ARSJ: variants seen among roughly 807,000 people sequenced by gnomAD.
The protein encoded by ARSJ is arylsulfatase J.
A neutral mutation model predicts 35.9 loss-of-function variants in ARSJ; 26 were observed. The ratio of observed to expected loss-of-function variants is 0.72; its 90% CI spans 0.53 to 1.00. The LOEUF (loss-of-function observed/expected upper bound fraction) is 1.00, where lower values mean the gene tolerates loss of function less well. ARSJ is among the 50% of genes least tolerant of loss of function. ARSJ has a pLI of 0.00. For missense variants in ARSJ, 667 were observed against 723.6 expected, an observed-to-expected ratio of 0.92 and a Z score of 0.90; for synonymous variants, 294 against 267.6, an observed-to-expected ratio of 1.10 and a Z score of -0.96.
chr4:113,911,579 T>C (rs1227703180), intron 1 of ARSJ, among the ~76,000 whole-genome samples: 1 of 151,958 alleles, frequency 6.6e-6, no homozygotes, highest in Admixed American at 6.6e-5. Context: ...TTACAGACTA[T>C]ATGTGGGAAG....
At position 113,929,476 on chromosome 4, in the gene ARSJ, C is replaced by T. The variant is rs370894119; in HGVS notation, c.399-25801G>A. Among the ~76,000 whole-genome samples, 40 of 152,176 alleles carry T rather than the reference C, an allele frequency of 2.6e-4. 1 individual carries two copies. The highest frequency in any genetic ancestry group is 9.4e-4 in the African/African-American group (39 of 41,554). On this transcript the variant is annotated intron_variant, in intron 1 of 1. Coordinates refer to ENST00000315366, the MANE Select transcript of ARSJ (RefSeq NM_024590.4). ...CACTACTGGGGATGGGGAAGTTGTCCCTTCTGGCAACAAAGGTTCATCAGA... is the reference window on the plus strand; with the variant it reads ...CACTACTGGGGATGGGGAAGTTGTCTCTTCTGGCAACAAAGGTTCATCAGA...
intron 1 of ARSJ, among the ~76,000 whole-genome samples, chr4:113,942,875 G>A (rs1382888846): frequency 1.3e-5 from 2 of 151,966 alleles, no homozygotes; most frequent in Non-Finnish European, 2.9e-5. Flanking sequence ...ATAGACATAT[G>A]TGAAGAAAAT....
At chr4:113,936,049 A>T (rs553577664) in intron 1 of ARSJ, among the ~76,000 whole-genome samples, 2 of 152,102 alleles carry the variant, frequency 1.3e-5, no homozygotes, top group African/African-American at 4.8e-5. Flanking sequence ...AAATGATCAT[A>T]CTATTGTTAC....
At chr4:113,923,599 G>C (rs1723818969) in intron 1 of ARSJ, among the ~76,000 whole-genome samples, 1 of 151,984 alleles carries the variant, frequency 6.6e-6, no homozygotes, top group Non-Finnish European at 1.5e-5. Context: ...AATTTTCTTA[G>C]TAAACAAATA....
At chr4:113,906,743 C>A in intron 1 of ARSJ, 2 of 456,098 alleles carry the variant, frequency 4.4e-6, no homozygotes, top group South Asian at 3.1e-5. Context: ...TCAGTTTCCT[C>A]ATCTGTAAAA....
intron 1 of ARSJ, among the ~76,000 whole-genome samples, chr4:113,962,116 G>A (rs1241152761): frequency 1.3e-5 from 2 of 152,032 alleles, no homozygotes; most frequent in East Asian, 1.9e-4. Context: ...CAAGTCCAAC[G>A]TAGTGAAGTA....
intron 1 of ARSJ, among the ~76,000 whole-genome samples, chr4:113,949,625 G>A (rs1039727921): frequency 1.3e-5 from 2 of 152,026 alleles, no homozygotes; most frequent in South Asian, 2.1e-4. Flanking sequence ...CAACTTAAAC[G>A]TAGACAGAGA....
chr4:113,971,690 A>T (rs1727258725), intron 1 of ARSJ, among the ~76,000 whole-genome samples: 1 of 152,250 alleles, frequency 6.6e-6, no homozygotes. Context: ...AACTTCTAAC[A>T]GTAAACATGT....
intron 1 of ARSJ, among the ~76,000 whole-genome samples, chr4:113,957,522 T>C (rs1252555849): frequency 1.3e-5 from 2 of 151,844 alleles, no homozygotes; most frequent in African/African-American, 2.4e-5. Context: ...TTTTGTTACA[T>C]TGAGTGGGAA....
chr4:113,924,673 A>G (rs1723940831), intron 1 of ARSJ, among the ~76,000 whole-genome samples: 1 of 152,216 alleles, frequency 6.6e-6, no homozygotes, highest in South Asian at 2.1e-4. Flanking sequence ...AGTTTCAACA[A>G]TACTTAAAAG....
At chr4:113,921,007 T>C (rs1184718453) in intron 1 of ARSJ, among the ~76,000 whole-genome samples, 1 of 151,938 alleles carries the variant, frequency 6.6e-6, no homozygotes, top group Non-Finnish European at 1.5e-5. Context: ...CTGGACTGTA[T>C]AGGTGCTGCA....
intron 1 of ARSJ, among the ~76,000 whole-genome samples, chr4:113,931,091 G>C (rs963276108): frequency 1.3e-5 from 2 of 151,638 alleles, no homozygotes; most frequent in Admixed American, 1.3e-4. Context: ...CGAGTTAGTG[G>C]GTGCAGCGCA....
intron 1 of ARSJ, among the ~76,000 whole-genome samples, chr4:113,950,144 C>G (rs1336655366): frequency 3.9e-5 from 6 of 152,080 alleles, no homozygotes; most frequent in African/African-American, 4.8e-5. Context: ...TTACACGGCC[C>G]TAATAATGTG....
chr4:113,932,834 TAGG>T (rs1594439517), intron 1 of ARSJ, among the ~76,000 whole-genome samples: 1 of 151,800 alleles, frequency 6.6e-6, no homozygotes, highest in African/African-American at 2.4e-5. Flanking sequence ...TCAACCTTAA[TAGG>T]AGAAAAGAAA....
At chr4:113,970,607 G>C (rs1727181041) in intron 1 of ARSJ, 1 of 152,378 alleles carries the variant, frequency 6.6e-6, no homozygotes, top group Non-Finnish European at 1.5e-5. Flanking sequence ...TGTTCGCTGA[G>C]GATGGTGATG....
Position 113,964,043 on chromosome 4 carries a change from T to A in ARSJ, c.398+14394A>T, listed in dbSNP as rs143669665. Among the ~76,000 whole-genome samples, 71 of 152,166 alleles carry A rather than the reference T, an allele frequency of 4.7e-4. 1 individual carries two copies. In the East Asian group the frequency reaches 0.013, roughly 28 times the overall value. On this transcript the variant is annotated intron_variant, in intron 1 of 1. Transcript: ENST00000315366. ...GAGACACAGTGGAAAAGAAAACAGA[T>A]CTAAAAAGCTCTATTCTTGGAAACG...
intron 1 of ARSJ, among the ~76,000 whole-genome samples, chr4:113,973,352 T>C (rs1226187564): frequency 6.6e-6 from 1 of 152,198 alleles, no homozygotes. Context: ...ATCCAGACAG[T>C]TAATTTATTG....
intron 1 of ARSJ, among the ~76,000 whole-genome samples, chr4:113,925,255 G>A (rs1323733479): frequency 2.6e-5 from 4 of 152,008 alleles, no homozygotes; most frequent in African/African-American, 9.7e-5. Flanking sequence ...TCTCCTGGTG[G>A]CAGCATTCCT....
chr4:113,949,898 T>C (rs1386082405), intron 1 of ARSJ, among the ~76,000 whole-genome samples: 1 of 152,086 alleles, frequency 6.6e-6, no homozygotes, highest in Non-Finnish European at 1.5e-5. Flanking sequence ...TAGAAGAGCA[T>C]TGCTATGGCA....
Sources: allele counts gnomAD v4.1 joint callset (sites outside exome capture counted in the v4.1 genomes callset), GRCh38; gene constraint gnomAD v4.1.1; transcripts MANE v1.5; gene names NCBI Gene and HGNC (gene_info 2026-07-23, HGNC 2026-07-21).